Variants in ARHGAP6 observed in about 807,000 individuals in gnomAD.
ARHGAP6 encodes the protein rho GTPase-activating protein 6.
Under a neutral mutation model 55.7 loss-of-function variants are expected in ARHGAP6, and 16 were observed. The observed-to-expected ratio is 0.29, with a 90% confidence interval of 0.19 to 0.44. The LOEUF is 0.44. ARHGAP6 is among the 20% of genes least tolerant of loss of function. ARHGAP6 has a pLI of 1.00. For synonymous variants in ARHGAP6, 382 were observed against 360.9 expected (o/e 1.06, Z -0.66); for missense variants, 698 against 808.9 (o/e 0.86, Z 1.66).
At chrX:11,272,612 A>C (rs2047705795) in intron 1 of ARHGAP6, among the ~76,000 whole-genome samples, 1 of 109,686 alleles carries the variant, frequency 9.1e-6, no homozygotes, top group Admixed American at 9.9e-5. Flanking sequence ...CTCATCTCAA[A>C]GCTCAGATTC....
chrX:11,402,763 T>A (rs1389361722), intron 1 of ARHGAP6, among the ~76,000 whole-genome samples: 1 of 111,914 alleles, frequency 8.9e-6, no homozygotes, highest in Non-Finnish European at 1.9e-5. Flanking sequence ...CATAAAGCAT[T>A]AGGTGTTCTG....
intron 1 of ARHGAP6, among the ~76,000 whole-genome samples, chrX:11,453,141 G>T (rs758279486): frequency 9.6e-6 from 1 of 104,192 alleles, no homozygotes; most frequent in South Asian, 4.2e-4. Flanking sequence ...TTTGATTTGG[G>T]ATTTATTACA....
At chrX:11,204,873 C>T (rs1207926554) in intron 2 of ARHGAP6, among the ~76,000 whole-genome samples, 1 of 112,171 alleles carries the variant, frequency 8.9e-6, no homozygotes, top group African/African-American at 3.2e-5. Context: ...ATGGACACTG[C>T]TACAGTCCAG....
At chrX:11,239,789 T>C (rs952552566) in intron 2 of ARHGAP6, among the ~76,000 whole-genome samples, 7 of 112,451 alleles carry the variant, frequency 6.2e-5, no homozygotes, top group Non-Finnish European at 1.3e-4. Context: ...TAAAATAAAA[T>C]ATAACATCTC....
chrX:11,252,089 A>C (rs1327271103), intron 2 of ARHGAP6, among the ~76,000 whole-genome samples: 3 of 112,349 alleles, frequency 2.7e-5, no homozygotes, highest in Admixed American at 1.9e-4. Flanking sequence ...CCTCAGAAAT[A>C]ATTAATGGAG....
intron 1 of ARHGAP6, among the ~76,000 whole-genome samples, chrX:11,408,350 G>A (rs2049635753): frequency 1.8e-5 from 2 of 111,554 alleles, no homozygotes; most frequent in South Asian, 7.5e-4. Context: ...TACAATATTG[G>A]TTATTCTTGC....
intron 1 of ARHGAP6, among the ~76,000 whole-genome samples, chrX:11,491,548 A>AT (rs1398197510): frequency 8.9e-6 from 1 of 111,818 alleles, no homozygotes; most frequent in East Asian, 2.8e-4. Flanking sequence ...TGAACTCAAC[A>AT]TTTTTTGTGG....
chrX:11,228,014 T>C (rs2047079151), intron 2 of ARHGAP6, among the ~76,000 whole-genome samples: 1 of 111,031 alleles, frequency 9.0e-6, no homozygotes, highest in Admixed American at 9.6e-5. Context: ...CATACAACAT[T>C]TTAGGGACTA....
chrX:11,270,759 T>C (rs1416880596), intron 1 of ARHGAP6, among the ~76,000 whole-genome samples: 2 of 111,663 alleles, frequency 1.8e-5, no homozygotes, highest in Non-Finnish European at 3.8e-5. Flanking sequence ...TAGGCAGCAA[T>C]AAAACAAGCT....
intron 1 of ARHGAP6, among the ~76,000 whole-genome samples, chrX:11,439,903 A>G (rs1021913683): frequency 1.8e-5 from 2 of 112,880 alleles, no homozygotes; most frequent in African/African-American, 6.4e-5. Flanking sequence ...TGTATTTACT[A>G]TTCTCAAACC....
intron 2 of ARHGAP6, among the ~76,000 whole-genome samples, chrX:11,214,103 C>A (rs762346480): frequency 9.1e-6 from 1 of 110,317 alleles, no homozygotes; most frequent in African/African-American, 3.3e-5. Context: ...TAAATATGCC[C>A]ATTTTATGCC....
intron 1 of ARHGAP6, among the ~76,000 whole-genome samples, chrX:11,362,973 C>T (rs968983781): frequency 5.4e-5 from 6 of 111,637 alleles, no homozygotes; most frequent in African/African-American, 9.8e-5. Context: ...TACACACATG[C>T]GCATATAAAA....
rs960661199 is a variant in ARHGAP6, at chrX:11,201,776, A to G, written c.749-4780T>C. ...CCAACAGATCTTGTGAGAACTCACT[A>G]TCACGAGAATACCAGCTTGGAGGTA... is the stretch of plus-strand genomic sequence containing the variant. On this transcript the variant is annotated intron_variant, in intron 2 of 12. Coordinates refer to ENST00000337414, the MANE Select transcript of ARHGAP6 (RefSeq NM_013427.3). Among the ~76,000 whole-genome samples the G allele has an allele frequency of 6.3e-5, 7 of 111,535 alleles. No homozygotes were observed. In the Admixed American group the frequency reaches 6.7e-4, roughly 11 times the overall value.
chrX:11,642,041 G>A (rs1488481685), intron 1 of ARHGAP6, among the ~76,000 whole-genome samples: 1 of 111,729 alleles, frequency 9.0e-6, no homozygotes, highest in Non-Finnish European at 1.9e-5. Context: ...CAGACCATAA[G>A]TACGGATCCA....
chrX:11,277,791 T>G (rs189384064), intron 1 of ARHGAP6, among the ~76,000 whole-genome samples: 12 of 111,519 alleles, frequency 1.1e-4, no homozygotes, highest in African/African-American at 3.9e-4. Context: ...ATTTTAACTC[T>G]AAAGACTAAT....
chrX:11,610,957 C>T (rs958974318), intron 1 of ARHGAP6, among the ~76,000 whole-genome samples: 2 of 112,375 alleles, frequency 1.8e-5, no homozygotes, highest in Admixed American at 1.9e-4. Flanking sequence ...TCTTTCACTT[C>T]GTATAATGTT....
intron 1 of ARHGAP6, among the ~76,000 whole-genome samples, chrX:11,570,156 T>C (rs893590965): frequency 9.0e-6 from 1 of 111,184 alleles, no homozygotes; most frequent in African/African-American, 3.3e-5. Context: ...TTTATATCTA[T>C]TTAAGTCACT....
intron 2 of ARHGAP6, among the ~76,000 whole-genome samples, chrX:11,240,467 C>G (rs2047260042): frequency 8.9e-6 from 1 of 112,253 alleles, no homozygotes; most frequent in Admixed American, 9.4e-5. Context: ...GGAGCCAAAA[C>G]AGGGATCTCT....
At chrX:11,221,221 C>T (rs1461193575) in intron 2 of ARHGAP6, 1 of 114,180 alleles carries the variant, frequency 8.8e-6, no homozygotes, top group Non-Finnish European at 1.9e-5. Flanking sequence ...CTAGTTTTTG[C>T]ATTTGTTTGC....
Sources: gnomAD v4.1 joint callset for allele counts (sites outside exome capture counted in the v4.1 genomes callset) on GRCh38, gnomAD v4.1.1 for gene constraint, MANE v1.5 for transcripts, NCBI Gene and HGNC (gene_info 2026-07-23, HGNC 2026-07-21) for gene names.